SPAG16: variants seen among roughly 807,000 people sequenced by gnomAD.
SPAG16 encodes the protein sperm-associated antigen 16 protein.
SPAG16 carries 86 observed loss-of-function variants against 80.4 expected under a neutral mutation model. That is an observed-to-expected ratio of 1.07 (90% CI 0.90 to 1.28). The LOEUF (loss-of-function observed/expected upper bound fraction) is 1.28, where lower values mean the gene tolerates loss of function less well. Ranked by LOEUF, SPAG16 falls within the 50% of genes most tolerant of loss-of-function variation. The pLI, the probability that SPAG16 is intolerant of heterozygous loss-of-function variation, is 0.00. For synonymous variants in SPAG16, 294 were observed against 265.9 expected (o/e 1.11, Z -1.03); for missense variants, 870 against 765.3 (o/e 1.14, Z -1.61).
At chr2:214,137,529 C>G (rs2055124738) in intron 14 of SPAG16, among the ~76,000 whole-genome samples, 1 of 151,924 alleles carries the variant, frequency 6.6e-6, no homozygotes, top group African/African-American at 2.4e-5. Flanking sequence ...AAATTTGTAT[C>G]TTATTGACTA....
At chr2:213,544,099 G>A (rs1342333105) in intron 10 of SPAG16, among the ~76,000 whole-genome samples, 3 of 149,280 alleles carry the variant, frequency 2.0e-5, no homozygotes, top group South Asian at 4.2e-4. Flanking sequence ...TATTGTACTG[G>A]CTTTCTGATT....
At chr2:214,132,043 G>C (rs1321770678) in intron 14 of SPAG16, among the ~76,000 whole-genome samples, 1 of 152,092 alleles carries the variant, frequency 6.6e-6, no homozygotes. Flanking sequence ...AGGGGAGACA[G>C]GACATATGAG....
At chr2:214,258,539 G>T (rs750787343) in intron 15 of SPAG16, among the ~76,000 whole-genome samples, 1 of 149,488 alleles carries the variant, frequency 6.7e-6, no homozygotes, top group African/African-American at 2.5e-5. Flanking sequence ...CCATTCATTT[G>T]TTGGTTGATG....
chr2:213,681,880 C>CTA (rs2064405780), intron 10 of SPAG16, among the ~76,000 whole-genome samples: 1 of 152,150 alleles, frequency 6.6e-6, no homozygotes, highest in African/African-American at 2.4e-5. Flanking sequence ...GTATTTTTGA[C>CTA]AAACTAAAGA....
At chr2:213,299,093 A>G (rs909760420) in intron 3 of SPAG16, among the ~76,000 whole-genome samples, 1 of 152,156 alleles carries the variant, frequency 6.6e-6, no homozygotes, top group African/African-American at 2.4e-5. Flanking sequence ...TAAACAAGAT[A>G]TATTTTCTTC....
At chr2:213,289,432 A>G (rs1473531220) in intron 1 of SPAG16, among the ~76,000 whole-genome samples, 1 of 152,182 alleles carries the variant, frequency 6.6e-6, no homozygotes. Context: ...ACTCTTGCCA[A>G]TTCTGTTGAA....
chr2:213,657,188 A>C (rs1398321064), intron 10 of SPAG16, among the ~76,000 whole-genome samples: 1 of 152,202 alleles, frequency 6.6e-6, no homozygotes, highest in Non-Finnish European at 1.5e-5. Flanking sequence ...TTAAAAACTT[A>C]AAATTAATGG....
chr2:213,696,091 C>G (rs1237299491), intron 10 of SPAG16, among the ~76,000 whole-genome samples: 1 of 151,632 alleles, frequency 6.6e-6, no homozygotes, highest in African/African-American at 2.4e-5. Context: ...GAGGGTAAAG[C>G]CAAAAGATTT....
chr2:213,412,528 TGTTGGTC>T (rs1249372821), intron 9 of SPAG16, among the ~76,000 whole-genome samples: 1 of 152,254 alleles, frequency 6.6e-6, no homozygotes, highest in Non-Finnish European at 1.5e-5. Flanking sequence ...TTTTATCCTA[TGTTGGTC>T]CTCAATAAAT....
chr2:213,337,749 T>C (rs375016775), intron 5 of SPAG16, among the ~76,000 whole-genome samples: 13 of 152,062 alleles, frequency 8.5e-5, no homozygotes, highest in East Asian at 5.8e-4. Context: ...CTATGACTGA[T>C]AGGAGTATCT....
Position 213,607,068 on chromosome 2 carries a change from AAAG to A in SPAG16, c.1070+116983_1070+116985del, listed in dbSNP as rs138593775. Among the ~76,000 whole-genome samples, 21 of 152,330 alleles carry A rather than the reference AAAG, an allele frequency of 1.4e-4. No homozygotes were observed. In the East Asian group the frequency reaches 4.0e-3, roughly 29 times the overall value. On this transcript the variant is annotated intron_variant, in intron 10 of 15. Coordinates refer to ENST00000331683, the MANE Select transcript of SPAG16 (RefSeq NM_024532.5). Reference sequence around the variant, plus strand: ...AGAAAGATGATATGTTTGGTAGATGAAAGAAGAGACTAGTTGGTAAAATGTCTT... The same window carrying A: ...AGAAAGATGATATGTTTGGTAGATGAAAGAGACTAGTTGGTAAAATGTCTT...
chr2:214,108,229 C>T lies in SPAG16; in HGVS notation c.1561C>T (p.His521Tyr), dbSNP rs2053478838. 5 of 1,602,220 alleles carry T rather than the reference C, an allele frequency of 3.1e-6. No individual in the cohort carries two copies. The highest frequency in any genetic ancestry group is 4.3e-6 in the Non-Finnish European group (5 of 1,171,268). Residue 521 changes from histidine to tyrosine, a missense_variant, in exon 14 of 16, where the codon CAT (histidine) becomes TAT (tyrosine). By Grantham distance (83) the His-to-Tyr change is moderately conservative. Coordinates refer to ENST00000331683, the MANE Select transcript of SPAG16 (RefSeq NM_024532.5). The part of the protein sequence containing the change: ...ICEQSLYGHM[H>Y]SINDAIFDPR... The stretch of plus-strand genomic sequence containing the variant: ...TGAGCAGTCACTTTATGGTCACATG[C>T]ATTCTATCAATGATGCCATTTTTGA...
chr2:213,322,363 A>C (rs915286793), intron 5 of SPAG16, among the ~76,000 whole-genome samples: 18 of 120,666 alleles, frequency 1.5e-4, no homozygotes, highest in African/African-American at 5.2e-4. Context: ...AAAACAAAAA[A>C]CTCGTTTGGG....
intron 15 of SPAG16, among the ~76,000 whole-genome samples, chr2:214,291,867 T>C (rs1163100831): frequency 6.6e-6 from 1 of 152,210 alleles, no homozygotes; most frequent in Non-Finnish European, 1.5e-5. Flanking sequence ...TATACTTTCA[T>C]GTGATTTCAT....
At chr2:213,322,880 T>A (rs1236149649) in intron 5 of SPAG16, among the ~76,000 whole-genome samples, 1 of 151,876 alleles carries the variant, frequency 6.6e-6, no homozygotes, top group East Asian at 1.9e-4. Flanking sequence ...AAAGGAAGTA[T>A]AAAGAGGATG....
intron 10 of SPAG16, among the ~76,000 whole-genome samples, chr2:213,623,301 T>C (rs1312688969): frequency 6.6e-6 from 1 of 152,200 alleles, no homozygotes; most frequent in Non-Finnish European, 1.5e-5. Context: ...TTTTTTTCAC[T>C]ATGTCATCAC....
At chr2:214,257,646 T>C (rs1488717499) in intron 15 of SPAG16, among the ~76,000 whole-genome samples, 3 of 152,112 alleles carry the variant, frequency 2.0e-5, no homozygotes, top group African/African-American at 7.2e-5. Flanking sequence ...GATTTTTGAA[T>C]GGTAAGCCAA....
chr2:214,245,143 C>T (rs1465193939), intron 15 of SPAG16, among the ~76,000 whole-genome samples: 2 of 152,146 alleles, frequency 1.3e-5, no homozygotes. Context: ...GCATGCTGTT[C>T]CATAATTGCC....
chr2:213,512,131 A>G (rs1031983452), intron 10 of SPAG16, among the ~76,000 whole-genome samples: 15 of 152,192 alleles, frequency 9.9e-5, no homozygotes, highest in African/African-American at 3.6e-4. Flanking sequence ...TGCAATGGTG[A>G]AACAAATTTT....
Sources: allele counts gnomAD v4.1 joint callset (sites outside exome capture counted in the v4.1 genomes callset), GRCh38; gene constraint gnomAD v4.1.1; transcripts MANE v1.5; gene names NCBI Gene and HGNC (gene_info 2026-07-23, HGNC 2026-07-21).